The following SNX29 variants were observed in gnomAD, a reference collection of about 807,000 sequenced individuals.
The protein encoded by SNX29 is sorting nexin-29.
A neutral mutation model predicts 102.1 loss-of-function variants in SNX29; 78 were observed. The ratio of observed to expected loss-of-function variants is 0.76; its 90% CI spans 0.64 to 0.92. The LOEUF (loss-of-function observed/expected upper bound fraction) is 0.92. Ranked by LOEUF, SNX29 falls within the 40% of genes least tolerant of loss-of-function variation. The pLI is 0.00. For synonymous variants in SNX29, 580 were observed against 414.5 expected, an observed-to-expected ratio of 1.40 and a Z score of -4.85; for missense variants, 1,280 against 1,061.7, an observed-to-expected ratio of 1.21 and a Z score of -2.86.
rs144250734 is a variant in SNX29 at position 12,537,597 on chromosome 16, C to G, written c.2318+12756C>G. 4.6e-5 allele frequency among the ~76,000 whole-genome samples: 7 copies of G among 152,306 alleles called. No individual in the cohort carries two copies. The East Asian group carries it at 7.7e-4, about 17-fold the overall frequency. On this transcript the variant is annotated intron_variant, in intron 20 of 20. Transcript: ENST00000566228. ...CTTTGTTTTTACTTCTTTGTTCAAA[C>G]TCTCACTTCAGTCCCAAAATGATTG... is the stretch of plus-strand genomic sequence containing the variant.
chr16:12,028,387 G>A (rs1173736079), intron 4 of SNX29, among the ~76,000 whole-genome samples: 3 of 151,860 alleles, frequency 2.0e-5, no homozygotes, highest in Non-Finnish European at 4.4e-5. Flanking sequence ...TTTTAGAGTT[G>A]GGGTCTTGCT....
rs559442344 is a variant in SNX29, at chr16:12,096,952, G to A, written c.1402+18037G>A. On this transcript the variant is annotated intron_variant, in intron 11 of 20. Coordinates refer to ENST00000566228, the MANE Select transcript of SNX29 (RefSeq NM_032167.5). This position sits in a 1 kb window ranked among gnomAD's most constrained non-coding sequence, Gnocchi z 4.2. Reference sequence around the variant, plus strand: ...CACAGGAGGGAAAGGTTAAGGGCTCGGTGCAGGGGAGGTCAGGAGGTCTTG... The same window carrying A: ...CACAGGAGGGAAAGGTTAAGGGCTCAGTGCAGGGGAGGTCAGGAGGTCTTG... Among the ~76,000 whole-genome samples, 23 of 152,266 alleles carry A rather than the reference G, an allele frequency of 1.5e-4. No individual in the cohort carries two copies. The South Asian group carries it at 3.1e-3, about 21-fold the overall frequency.
chr16:12,517,024 A>G (rs1183135860), intron 19 of SNX29, among the ~76,000 whole-genome samples: 2 of 152,180 alleles, frequency 1.3e-5, no homozygotes, highest in Non-Finnish European at 2.9e-5. Context: ...TCCTATTAAA[A>G]TTGTCTCGAG....
rs2078532868 is a variant in SNX29, at chr16:12,255,156, T to G, written c.1679-22777T>G. ...ACTTTTTTTTGGTGTTGAGACCATT[T>G]AGGATATAATCTCTTCACAATTTTC... On this transcript the variant is annotated intron_variant, in intron 14 of 20. Transcript: ENST00000566228. Among the ~76,000 whole-genome samples the G allele has an allele frequency of 2.0e-5, 3 of 152,198 alleles. No individual in the cohort carries two copies. The South Asian group carries it at 6.2e-4, about 32-fold the overall frequency.
chr16:12,352,853 C>T (rs915729671), intron 15 of SNX29, among the ~76,000 whole-genome samples: 38 of 152,210 alleles, frequency 2.5e-4, no homozygotes, highest in African/African-American at 9.2e-4. Flanking sequence ...ATGGCATCTC[C>T]TCCTTAACTA....
chr16:11,992,357 C>G (rs2055885795), intron 1 of SNX29, among the ~76,000 whole-genome samples: 1 of 151,998 alleles, frequency 6.6e-6, no homozygotes, highest in African/African-American at 2.4e-5. Flanking sequence ...TGTTCTAAAG[C>G]AAGCAGTTCA....
intron 11 of SNX29, among the ~76,000 whole-genome samples, chr16:12,083,481 TTA>T (rs200059048): frequency 0.041 from 6,307 of 152,150 alleles, 393 homozygotes; most frequent in African/African-American, 0.13. Flanking sequence ...CTGGTGTCCC[TTA>T]TCTCTTCTTA....
At chr16:12,325,771 G>T (rs1201379211) in intron 15 of SNX29, among the ~76,000 whole-genome samples, 1 of 152,018 alleles carries the variant, frequency 6.6e-6, no homozygotes, top group African/African-American at 2.4e-5. Context: ...TTATGCCTGT[G>T]ATCCCAATGT....
rs778206262 is a variant in SNX29, at chr16:12,573,986, C to G, written c.*5357C>G. ...AACCCCACTAGGGGGCGCCCATGAT[C>G]GGCTCCCAGTGCACCCCCTTAAGGG... is the stretch of plus-strand genomic sequence containing the variant. On this transcript the variant is annotated 3_prime_UTR_variant, in exon 21 of 21. Coordinates refer to ENST00000566228, the MANE Select transcript of SNX29 (RefSeq NM_032167.5). 4 of 198,664 alleles carry G rather than the reference C, an allele frequency of 2.0e-5. No homozygotes were observed. The Admixed American group carries it at 2.4e-4, about 12-fold the overall frequency. 12.3% of individuals were successfully genotyped at this position (198,664 alleles called of 1,614,324 possible).
intron 15 of SNX29, among the ~76,000 whole-genome samples, chr16:12,302,924 G>A (rs2080224346): frequency 6.6e-6 from 1 of 152,182 alleles, no homozygotes. Context: ...GTGAGGATAA[G>A]CCCAAGCTTG....
chr16:12,419,261 T>C (rs950757058), intron 18 of SNX29, among the ~76,000 whole-genome samples: 4 of 152,106 alleles, frequency 2.6e-5, no homozygotes, highest in Admixed American at 6.5e-5. Context: ...GCCCAGATAC[T>C]TGTGTGACAG....
At chr16:12,100,890 A>G (rs1012724118) in intron 11 of SNX29, among the ~76,000 whole-genome samples, 7 of 152,088 alleles carry the variant, frequency 4.6e-5, no homozygotes, top group African/African-American at 1.7e-4. Flanking sequence ...CAATGTAGGC[A>G]GCAGATGCTG....
At chr16:12,070,353 G>C (rs1616450) in intron 10 of SNX29, among the ~76,000 whole-genome samples, 1 of 118,488 alleles carries the variant, frequency 8.4e-6, no homozygotes, top group Admixed American at 1.2e-4. Context: ...ACAGTCCCCA[G>C]AGTGTGATGT....
chr16:12,112,585 C>G (rs976579033), intron 11 of SNX29, among the ~76,000 whole-genome samples: 4 of 152,152 alleles, frequency 2.6e-5, no homozygotes, highest in African/African-American at 9.7e-5. Flanking sequence ...AAGTGAATGC[C>G]GAAGACGACA....
intron 19 of SNX29, among the ~76,000 whole-genome samples, chr16:12,494,999 C>T (rs774150699): frequency 7.9e-5 from 12 of 152,280 alleles, no homozygotes; most frequent in South Asian, 2.1e-4. Flanking sequence ...TCCCTGGGGC[C>T]GAGGAGTTAG....
At chr16:12,275,396 G>T (rs1596720643) in intron 14 of SNX29, among the ~76,000 whole-genome samples, 3 of 152,328 alleles carry the variant, frequency 2.0e-5, no homozygotes, top group Middle Eastern at 3.4e-3. Context: ...ACTCAGTCCA[G>T]ACCTACTGCG....
intron 19 of SNX29, among the ~76,000 whole-genome samples, chr16:12,496,507 CT>C (rs537441350): frequency 0.028 from 3,279 of 115,104 alleles, 67 homozygotes; most frequent in East Asian, 0.081. Context: ...GCTCTCATGG[CT>C]TTTTTTTTTT....
At chr16:12,095,676 T>A (rs1437011222) in intron 11 of SNX29, among the ~76,000 whole-genome samples, 1 of 152,202 alleles carries the variant, frequency 6.6e-6, no homozygotes, top group Non-Finnish European at 1.5e-5. Flanking sequence ...TAGCTGTGGG[T>A]ATTCAGCTTT....
At chr16:12,381,003 TCCATCCACCCACCCA>T (rs1174595594) in intron 16 of SNX29, among the ~76,000 whole-genome samples, 13 of 47,158 alleles carry the variant, frequency 2.8e-4, no homozygotes, top group Admixed American at 4.8e-4. Flanking sequence ...CCACCCACCA[TCCATCCACCCACCCA>T]CCATCCACCC....
Sources: gnomAD v4.1 joint callset for allele counts (sites outside exome capture counted in the v4.1 genomes callset) on GRCh38, gnomAD v4.1.1 for gene constraint, Gnocchi (gnomAD v3.1) non-coding constraint, MANE v1.5 for transcripts, NCBI Gene and HGNC (gene_info 2026-07-23, HGNC 2026-07-21) for gene names.